Variants in LDLRAD4 observed in about 807,000 individuals in gnomAD.
LDLRAD4 encodes the protein low-density lipoprotein receptor class A domain-containing protein 4.
Under a neutral mutation model 17.0 loss-of-function variants are expected in LDLRAD4, and 5 were observed. The observed-to-expected ratio is 0.29, with a 90% CI of 0.15 to 0.62. The LOEUF is 0.62. Among genes scored for constraint, LDLRAD4 ranks in the 20% least tolerant of loss-of-function variants. The pLI, the probability that LDLRAD4 is intolerant of heterozygous loss-of-function variation, is 0.84. For missense variants in LDLRAD4, 340 were observed against 424.7 expected (o/e 0.80, Z 1.75); for synonymous variants, 168 against 171.8 (o/e 0.98, Z 0.17).
intron 3 of LDLRAD4, among the ~76,000 whole-genome samples, chr18:13,610,530 G>A (rs987319629): frequency 3.3e-5 from 5 of 151,884 alleles, no homozygotes; most frequent in African/African-American, 1.2e-4. Flanking sequence ...CAGGTGATCC[G>A]CCCACCTCGG....
chr18:13,546,787 G>C (rs923253026), intron 3 of LDLRAD4, among the ~76,000 whole-genome samples: 1 of 152,176 alleles, frequency 6.6e-6, no homozygotes, highest in Non-Finnish European at 1.5e-5. Flanking sequence ...GGTGATCTCT[G>C]AGGATTCTGT....
At chr18:13,247,683 G>A (rs1223377713) in intron 1 of LDLRAD4, among the ~76,000 whole-genome samples, 1 of 152,098 alleles carries the variant, frequency 6.6e-6, no homozygotes, top group African/African-American at 2.4e-5. Context: ...CACGCACAGG[G>A]TCTGCAAAGT....
chr18:13,576,419 C>G (rs1231583924), intron 3 of LDLRAD4, among the ~76,000 whole-genome samples: 1 of 74,504 alleles, frequency 1.3e-5, no homozygotes, highest in Non-Finnish European at 2.5e-5. Flanking sequence ...GAGACTCTGT[C>G]TCAAAAAAAA....
intron 3 of LDLRAD4, among the ~76,000 whole-genome samples, chr18:13,468,147 T>C (rs1167257451): frequency 6.6e-6 from 1 of 152,210 alleles, no homozygotes; most frequent in African/African-American, 2.4e-5. Context: ...AATTTGACTT[T>C]ATCAAAATGA....
At chr18:13,490,531 G>A (rs888771561) in intron 3 of LDLRAD4, 2 of 152,176 alleles carry the variant, frequency 1.3e-5, no homozygotes, top group African/African-American at 4.8e-5. Flanking sequence ...TTCAGTTTAT[G>A]TATCCTTTTG....
chr18:13,411,876 T>G (rs1279175832), intron 2 of LDLRAD4, among the ~76,000 whole-genome samples: 1 of 152,178 alleles, frequency 6.6e-6, no homozygotes, highest in Non-Finnish European at 1.5e-5. Flanking sequence ...AGAGTCTTAC[T>G]CTGTTTTCCA....
chr18:13,502,634 T>C (rs1394403406), intron 3 of LDLRAD4, among the ~76,000 whole-genome samples: 5 of 121,620 alleles, frequency 4.1e-5, no homozygotes, highest in Non-Finnish European at 8.3e-5. Context: ...GAACAAGCCG[T>C]GTAGCTCTGC....
rs1048873199 is a variant in LDLRAD4, at chr18:13,496,312, A to G, written c.181+57928A>G. Among the ~76,000 whole-genome samples, 4 of 152,180 alleles carry G rather than the reference A, an allele frequency of 2.6e-5. No homozygotes were observed. The East Asian group carries it at 7.7e-4, about 29-fold the overall frequency. On this transcript the variant is annotated intron_variant, in intron 3 of 5. Coordinates refer to ENST00000359446, the Ensembl canonical transcript of LDLRAD4. ...AATGTGGCGGCCTTACTTGCCCAGA[A>G]CAATTTTAGTGGGGTCTGGCCTGAA...
intron 3 of LDLRAD4, among the ~76,000 whole-genome samples, chr18:13,610,736 A>G (rs1033713397): frequency 4.6e-5 from 7 of 152,160 alleles, no homozygotes; most frequent in African/African-American, 1.7e-4. Flanking sequence ...CTCCAGGGAC[A>G]AGGGGCGCTG....
chr18:13,234,060 A>G (rs955778635), intron 1 of LDLRAD4, among the ~76,000 whole-genome samples: 8 of 152,274 alleles, frequency 5.3e-5, no homozygotes, highest in Admixed American at 5.2e-4. Flanking sequence ...CGTTCGTCCC[A>G]ATATGATCAC....
intron 2 of LDLRAD4, among the ~76,000 whole-genome samples, chr18:13,395,416 A>G (rs1239549916): frequency 3.0e-5 from 3 of 100,426 alleles, no homozygotes; most frequent in Admixed American, 1.2e-4. Flanking sequence ...GTTAGCTGCC[A>G]TAGCTCTGAT....
intron 3 of LDLRAD4, among the ~76,000 whole-genome samples, chr18:13,480,452 C>T (rs186355881): frequency 1.0e-3 from 156 of 152,156 alleles, no homozygotes; most frequent in South Asian, 7.5e-3. Context: ...TTTTTAGGGC[C>T]GTGAGCCTAT....
At chr18:13,532,405 T>G (rs778649088) in intron 3 of LDLRAD4, among the ~76,000 whole-genome samples, 1 of 152,220 alleles carries the variant, frequency 6.6e-6, no homozygotes, top group South Asian at 2.1e-4. Flanking sequence ...TGCTAGTTAC[T>G]AGGATTTGGT....
chr18:13,431,977 G>A (rs566549746), intron 2 of LDLRAD4, among the ~76,000 whole-genome samples: 46 of 152,278 alleles, frequency 3.0e-4, no homozygotes, highest in African/African-American at 9.6e-4. Flanking sequence ...GTGCCTTTAC[G>A]CCGAGGTTGG....
At chr18:13,554,915 T>G (rs2094469213) in intron 3 of LDLRAD4, among the ~76,000 whole-genome samples, 1 of 151,966 alleles carries the variant, frequency 6.6e-6, no homozygotes, top group South Asian at 2.1e-4. Flanking sequence ...TGACAAACAC[T>G]CCAGGTGATC....
intron 3 of LDLRAD4, among the ~76,000 whole-genome samples, chr18:13,565,928 G>A (rs755417490): frequency 1.3e-5 from 2 of 152,226 alleles, no homozygotes; most frequent in Non-Finnish European, 2.9e-5. Context: ...TGACGATGAT[G>A]TCCCATGTGG....
chr18:13,452,597 T>C (rs1205048161), intron 3 of LDLRAD4, among the ~76,000 whole-genome samples: 2 of 152,078 alleles, frequency 1.3e-5, no homozygotes, highest in African/African-American at 4.8e-5. Context: ...GCTGCTGCTA[T>C]GAGTCAGCCT....
chr18:13,534,652 A>T (rs1350242715), intron 3 of LDLRAD4, among the ~76,000 whole-genome samples: 1 of 152,090 alleles, frequency 6.6e-6, no homozygotes, highest in Non-Finnish European at 1.5e-5. Flanking sequence ...GATATTTGCT[A>T]TCTATTGTGG....
intron 1 of LDLRAD4, among the ~76,000 whole-genome samples, chr18:13,381,920 G>T (rs570004319): frequency 8.5e-5 from 13 of 152,316 alleles, no homozygotes; most frequent in African/African-American, 3.1e-4. Context: ...GTTTGCCGAG[G>T]TTTAGAATGA....
Sources: allele counts gnomAD v4.1 joint callset (sites outside exome capture counted in the v4.1 genomes callset), GRCh38; gene constraint gnomAD v4.1.1; transcripts MANE v1.5; gene names NCBI Gene and HGNC (gene_info 2026-07-23, HGNC 2026-07-21).